The following FHIP1A variants were observed in gnomAD, a reference collection of about 807,000 sequenced individuals.
FHIP1A encodes FHF complex subunit HOOK interacting protein 1A.
FHIP1A carries 61 observed loss-of-function variants against 88.6 expected under a neutral mutation model. The ratio of observed to expected loss-of-function variants is 0.69; its 90% CI spans 0.56 to 0.85. FHIP1A has a LOEUF of 0.85. Among genes scored for constraint, FHIP1A ranks in the 40% least tolerant of loss-of-function variants. The probability of loss-of-function intolerance (pLI) is 0.00; values close to 1 mark genes in which losing one functional copy is unlikely to be tolerated. For missense variants in FHIP1A, 1,154 were observed against 1,273.5 expected (o/e 0.91, Z 1.43); for synonymous variants, 478 against 496.0 (o/e 0.96, Z 0.48).
At chr4:151,520,706 A>G (rs1035288932) in intron 3 of FHIP1A, among the ~76,000 whole-genome samples, 3 of 152,318 alleles carry the variant, frequency 2.0e-5, no homozygotes, top group East Asian at 1.9e-4. Flanking sequence ...ACTATTAACA[A>G]GAAGGTAGAG....
At chr4:151,569,010 C>T (rs1176655683) in intron 4 of FHIP1A, among the ~76,000 whole-genome samples, 1 of 152,072 alleles carries the variant, frequency 6.6e-6, no homozygotes, top group Non-Finnish European at 1.5e-5. Flanking sequence ...GAGTTTCATA[C>T]GTTAGCTCTT....
At chr4:151,448,872 G>A (rs1166407961) in intron 1 of FHIP1A, among the ~76,000 whole-genome samples, 1 of 152,012 alleles carries the variant, frequency 6.6e-6, no homozygotes, top group Admixed American at 6.6e-5. Flanking sequence ...ATTTTTTGAG[G>A]AACTGCCATA....
chr4:151,654,879 G>A (rs1477048863), intron 11 of FHIP1A, among the ~76,000 whole-genome samples: 2 of 152,150 alleles, frequency 1.3e-5, no homozygotes, highest in Admixed American at 1.3e-4. Flanking sequence ...GGGAAGTTGA[G>A]GCTAAATGCC....
chr4:151,534,169 GT>G (rs370186023), intron 3 of FHIP1A, among the ~76,000 whole-genome samples: 1 of 152,302 alleles, frequency 6.6e-6, no homozygotes, highest in African/African-American at 2.4e-5. Flanking sequence ...TCAGACTGGC[GT>G]TAAGGAAACC....
chr4:151,586,020 T>C (rs1442491310), intron 5 of FHIP1A, among the ~76,000 whole-genome samples: 4 of 152,152 alleles, frequency 2.6e-5, no homozygotes, highest in Non-Finnish European at 5.9e-5. Context: ...CCCCCAATTC[T>C]TTCTCCTTGC....
chr4:151,586,039 G>T (rs913614017), intron 5 of FHIP1A, among the ~76,000 whole-genome samples: 3 of 152,080 alleles, frequency 2.0e-5, no homozygotes, highest in Admixed American at 6.6e-5. Flanking sequence ...GCTATTGCTT[G>T]TGAAGATCAA....
At chr4:151,624,776 C>T (rs927100385) in intron 7 of FHIP1A, among the ~76,000 whole-genome samples, 15 of 152,106 alleles carry the variant, frequency 9.9e-5, no homozygotes, top group African/African-American at 3.1e-4. Context: ...AGCAGTGTAG[C>T]GTGTGGCCTA....
At chr4:151,650,943 A>G (rs1306803011) in intron 11 of FHIP1A, among the ~76,000 whole-genome samples, 1 of 152,136 alleles carries the variant, frequency 6.6e-6, no homozygotes. Flanking sequence ...CTTAGCACTT[A>G]TTTACATTTA....
intron 1 of FHIP1A, among the ~76,000 whole-genome samples, chr4:151,430,101 T>C (rs961881202): frequency 1.3e-5 from 2 of 152,120 alleles, no homozygotes; most frequent in Non-Finnish European, 2.9e-5. Context: ...GATGTGTGGG[T>C]TTTGCTGTTT....
intron 1 of FHIP1A, among the ~76,000 whole-genome samples, chr4:151,414,353 T>TC (rs765675884): frequency 1.2e-4 from 18 of 152,214 alleles, no homozygotes; most frequent in East Asian, 3.8e-4. Context: ...GCGTCTGGCC[T>TC]CTATCTAGTT....
intron 7 of FHIP1A, among the ~76,000 whole-genome samples, chr4:151,613,904 T>C (rs1000716905): frequency 6.6e-6 from 1 of 152,210 alleles, no homozygotes; most frequent in Non-Finnish European, 1.5e-5. Flanking sequence ...GGCTCATGCT[T>C]GTAATCCCAG....
At chr4:151,594,217 C>G (rs1322995593) in intron 7 of FHIP1A, among the ~76,000 whole-genome samples, 1 of 152,156 alleles carries the variant, frequency 6.6e-6, no homozygotes, top group East Asian at 1.9e-4. Context: ...TTTGTGGTGT[C>G]TCTGCCAGGT....
At chr4:151,419,319 G>T (rs1002078253) in intron 1 of FHIP1A, among the ~76,000 whole-genome samples, 1 of 152,172 alleles carries the variant, frequency 6.6e-6, no homozygotes, top group Non-Finnish European at 1.5e-5. Context: ...TTCAGATTCA[G>T]ACTCAAACTA....
chr4:151,547,167 G>A (rs1732537442), intron 3 of FHIP1A, among the ~76,000 whole-genome samples: 1 of 152,200 alleles, frequency 6.6e-6, no homozygotes, highest in Non-Finnish European at 1.5e-5. Flanking sequence ...ATAAAGGACT[G>A]TAGGCCATCA....
chr4:151,453,702 C>G (rs6535802), intron 1 of FHIP1A, among the ~76,000 whole-genome samples: 3 of 151,910 alleles, frequency 2.0e-5, no homozygotes, highest in Non-Finnish European at 4.4e-5. Context: ...AACACAAATG[C>G]GTGGTGGCGC....
At chr4:151,459,818 G>A (rs997281644) in intron 2 of FHIP1A, among the ~76,000 whole-genome samples, 1 of 152,170 alleles carries the variant, frequency 6.6e-6, no homozygotes, top group Non-Finnish European at 1.5e-5. Flanking sequence ...TAATACCCTT[G>A]TTGTAGAGCT....
chr4:151,537,155 G>A (rs1354047178), intron 3 of FHIP1A, among the ~76,000 whole-genome samples: 2 of 152,100 alleles, frequency 1.3e-5, no homozygotes, highest in East Asian at 3.8e-4. Context: ...TGGGATCACA[G>A]GTGTGAGCCA....
chr4:151,660,260 C>G (rs748840523), intron 13 of FHIP1A, among the ~76,000 whole-genome samples: 2 of 152,230 alleles, frequency 1.3e-5, no homozygotes, highest in African/African-American at 2.4e-5. Flanking sequence ...CCTGGTCTCC[C>G]TCACTGGGTG....
At chr4:151,444,838 G>A (rs1489476814) in intron 1 of FHIP1A, among the ~76,000 whole-genome samples, 3 of 152,118 alleles carry the variant, frequency 2.0e-5, no homozygotes, top group East Asian at 1.9e-4. Context: ...TTTAAAAGAG[G>A]ATTACAATTT....
Sources: gnomAD v4.1 joint callset for allele counts (sites outside exome capture counted in the v4.1 genomes callset) on GRCh38, gnomAD v4.1.1 for gene constraint, MANE v1.5 for transcripts, NCBI Gene and HGNC (gene_info 2026-07-23, HGNC 2026-07-21) for gene names.